Variants in PARP11 observed in about 807,000 individuals in gnomAD.
PARP11 encodes the protein protein mono-ADP-ribosyltransferase PARP11.
A neutral mutation model predicts 42.9 loss-of-function variants in PARP11; 31 were observed. The observed-to-expected ratio is 0.72, with a 90% CI of 0.54 to 0.98. The LOEUF (loss-of-function observed/expected upper bound fraction) is 0.98. PARP11 is among the 50% of genes least tolerant of loss of function. The pLI, the probability that PARP11 is intolerant of heterozygous loss-of-function variation, is 0.00. For missense variants in PARP11, 365 were observed against 413.1 expected (o/e 0.88, Z 1.01); for synonymous variants, 137 against 127.3 (o/e 1.08, Z -0.51).
At chr12:3,838,913 T>G (rs1423334638) in intron 1 of PARP11, among the ~76,000 whole-genome samples, 2 of 152,084 alleles carry the variant, frequency 1.3e-5, no homozygotes. Context: ...GGGCGGGGCT[T>G]TTCTCGCTTC....
intron 2 of PARP11, 72 bp downstream of exon 2, chr12:3,829,818 T>A (rs2138045116): frequency 6.8e-7 from 1 of 1,467,022 alleles, no homozygotes; most frequent in South Asian, 1.2e-5. Context: ...TTTATACTCA[T>A]TTTACATACA....
At chr12:3,868,863 G>T (rs898887118) in intron 1 of PARP11, among the ~76,000 whole-genome samples, 1 of 152,250 alleles carries the variant, frequency 6.6e-6, no homozygotes, top group South Asian at 2.1e-4. Flanking sequence ...TACCACAAAC[G>T]CAGTGGCTTA....
intron 1 of PARP11, among the ~76,000 whole-genome samples, chr12:3,847,192 T>C (rs1489554676): frequency 2.6e-5 from 4 of 152,134 alleles, no homozygotes; most frequent in African/African-American, 9.7e-5. Flanking sequence ...ATGTCTCCCA[T>C]CAAAGAAAAG....
intron 1 of PARP11, among the ~76,000 whole-genome samples, chr12:3,836,020 T>C (rs1458283477): frequency 6.6e-6 from 1 of 151,840 alleles, no homozygotes; most frequent in African/African-American, 2.4e-5. Flanking sequence ...ATTTTATATA[T>C]ATATACACAC....
In PARP11 at chr12:3,828,993, T is replaced by C. The variant is rs1947584657; in HGVS notation, c.185A>G (p.Asp62Gly). The C allele has an allele frequency of 6.2e-7, 1 of 1,614,030 alleles. No homozygotes were observed. Residue 62 changes from aspartate to glycine, a missense_variant, in exon 3 of 8, where the codon GAT (aspartate) becomes GGT (glycine). Physicochemically the swap from Asp to Gly is moderately conservative, Grantham distance 94 (BLOSUM62 -1). Transcript: ENST00000228820. ...TNSQCSVSSEDIEKSFKTNPC... is the reference protein window; with the variant it reads ...TNSQCSVSSEGIEKSFKTNPC... ...GTTTGTTTTGAAGCTTTTTTCGATA[T>C]CTTCACTGCTAACTGAACACTGACT...
At chr12:3,825,752 C>T (rs759987332) in intron 4 of PARP11, among the ~76,000 whole-genome samples, 2 of 152,066 alleles carry the variant, frequency 1.3e-5, no homozygotes, top group Non-Finnish European at 2.9e-5. Context: ...GAGATGGAGT[C>T]TCACTCTGTC....
In PARP11 at chr12:3,810,279, T is replaced by C. The variant is rs1947143125; in HGVS notation, c.*1844A>G. On this transcript the variant is annotated 3_prime_UTR_variant, in exon 8 of 8. Transcript: ENST00000228820. Reference sequence around the variant, plus strand: ...TGAAAAAGGCTTGGTATACGTGCTGTCTTTTAAAGGCAGAATCATAGAAAA... The same window carrying C: ...TGAAAAAGGCTTGGTATACGTGCTGCCTTTTAAAGGCAGAATCATAGAAAA... 6.6e-6 allele frequency: 1 copy of C among 152,192 alleles called. No homozygotes were observed. The highest frequency in any genetic ancestry group is 1.5e-5 in the Non-Finnish European group (1 of 68,052). 9.4% of individuals were successfully genotyped at this position (152,192 alleles called of 1,614,324 possible).
rs541980764 is a variant in PARP11, at chr12:3,860,178, G to T, written c.18+13034C>A. On this transcript the variant is annotated intron_variant, in intron 1 of 7. Coordinates refer to ENST00000228820, the MANE Select transcript of PARP11 (RefSeq NM_020367.6). The stretch of plus-strand genomic sequence containing the variant: ...GTCAAATGATCATTTGATAAGATTA[G>T]TATGGATGTGGACCGCCCCAGCAGG... Among the ~76,000 whole-genome samples, 111 of 152,264 alleles carry T rather than the reference G, an allele frequency of 7.3e-4. 1 individual carries two copies. In the South Asian group the frequency reaches 0.023, roughly 31 times the overall value.
intron 1 of PARP11, among the ~76,000 whole-genome samples, chr12:3,866,177 C>T (rs1948385769): frequency 6.6e-6 from 1 of 152,134 alleles, no homozygotes; most frequent in African/African-American, 2.4e-5. Flanking sequence ...ATCCTATGCT[C>T]TTTTCAGTCC....
Position 3,829,963 on chromosome 12 carries a change from T to C in PARP11, c.74A>G (p.Asp25Gly), listed in dbSNP as rs751363235. 28 of 1,613,418 alleles carry C rather than the reference T, an allele frequency of 1.7e-5. No individual in the cohort carries two copies. The highest frequency in any genetic ancestry group is 2.3e-5 in the Non-Finnish European group (27 of 1,179,446). Residue 25 changes from aspartate to glycine, a missense_variant, in exon 2 of 8, where the codon GAT (aspartate) becomes GGT (glycine). Coordinates refer to ENST00000228820, the MANE Select transcript of PARP11 (RefSeq NM_020367.6). ...LFSKTTNNEV[D>G]DMDTSDTQWG... ...CTGGGTATCTGACGTGTCCATGTCA[T>C]CCACTTCATTGTTTGTTGTTTTAGA...
At chr12:3,845,722 A>T (rs148160228) in intron 1 of PARP11, among the ~76,000 whole-genome samples, 4 of 152,214 alleles carry the variant, frequency 2.6e-5, no homozygotes, top group African/African-American at 9.6e-5. Flanking sequence ...AATCCTAATA[A>T]TGTCTCATTT....
chr12:3,821,922 T>G lies in PARP11; in HGVS notation c.499A>C (p.Lys167Gln), dbSNP rs1345471568. The change falls in exon 6 of 8, where the codon AAA (lysine) becomes CAA (glutamine). Residue 167 changes from lysine to glutamine, a missense_variant. Lys to Gln is a moderately conservative substitution (Grantham distance 53). Coordinates refer to ENST00000228820, the MANE Select transcript of PARP11 (RefSeq NM_020367.6). ...AGGTTTTGAATTCTCTGAATTCTTT[T>G]AATTCGGTTGCGATCCATCGTCTTC... ...FGKTMDRNRI[K>Q]RIQRIQNLDL... 6.2e-7 allele frequency: 1 copy of G among 1,610,764 alleles called. No individual in the cohort carries two copies. Among genetic ancestry groups the G allele is most frequent in the Non-Finnish European group, 8.5e-7 (1 of 1,179,206 alleles).
rs1313588893 is a variant in PARP11, at chr12:3,861,840, C to T, written c.18+11372G>A. ...GAGATTGAGACCATCCTGGCTAACACGGTGAAACCCCGTCTCTACCAAAAA... is the reference window on the plus strand; with the variant it reads ...GAGATTGAGACCATCCTGGCTAACATGGTGAAACCCCGTCTCTACCAAAAA... On this transcript the variant is annotated intron_variant, in intron 1 of 7. Transcript: ENST00000228820. This position sits in a 1 kb window ranked among gnomAD's most constrained non-coding sequence, Gnocchi z 4.6. 6.6e-6 allele frequency among the ~76,000 whole-genome samples: 1 copy of T among 151,426 alleles called. No individual in the cohort carries two copies. The highest frequency in any genetic ancestry group is 1.5e-5 in the Non-Finnish European group (1 of 67,866).
intron 1 of PARP11, among the ~76,000 whole-genome samples, chr12:3,871,413 A>C (rs1948476153): frequency 6.6e-6 from 1 of 152,178 alleles, no homozygotes; most frequent in South Asian, 2.1e-4. Context: ...AATACTTTCC[A>C]TTGTGTTACG....
intron 6 of PARP11, chr12:3,814,973 T>C: frequency 2.2e-6 from 1 of 453,356 alleles, no homozygotes; most frequent in Non-Finnish European, 4.4e-6. Flanking sequence ...AAATACAAAA[T>C]ACAAACAATA....
chr12:3,829,121 T>C (rs1947587184), intron 2 of PARP11, 91 bp from the exon 3 acceptor site: 2 of 1,411,912 alleles, frequency 1.4e-6, no homozygotes, highest in South Asian at 2.5e-5. Flanking sequence ...AGACAGGGAA[T>C]GGAGGGGCGA....
Position 3,873,260 on chromosome 12 carries a change from G to A in PARP11, c.-31C>T, listed in dbSNP as rs1464097522. On this transcript the variant is annotated 5_prime_UTR_variant, in exon 1 of 8. Coordinates refer to ENST00000228820, the MANE Select transcript of PARP11 (RefSeq NM_020367.6). ...TGACAAAATCGAGCGGAGAGAGCCT[G>A]TGGGAAGGGGCTAGCCGCGGGGCCT... 12 of 1,549,908 alleles carry A rather than the reference G, an allele frequency of 7.7e-6. No individual in the cohort carries two copies. The highest frequency in any genetic ancestry group is 9.6e-6 in the Non-Finnish European group (11 of 1,146,170).
chr12:3,852,045 G>C (rs1315028920), intron 1 of PARP11, among the ~76,000 whole-genome samples: 1 of 152,212 alleles, frequency 6.6e-6, no homozygotes, highest in Non-Finnish European at 1.5e-5. Context: ...AGAGGAACCT[G>C]ACTGTTAGAA....
At chr12:3,857,908 T>C (rs896940896) in intron 1 of PARP11, among the ~76,000 whole-genome samples, 2 of 152,292 alleles carry the variant, frequency 1.3e-5, no homozygotes, top group Middle Eastern at 3.4e-3. Flanking sequence ...AATATAAAAA[T>C]ATATTCTTGA....
Sources: allele counts gnomAD v4.1 joint callset (sites outside exome capture counted in the v4.1 genomes callset), GRCh38; gene constraint gnomAD v4.1.1; non-coding constraint Gnocchi (gnomAD v3.1); transcripts MANE v1.5; gene names NCBI Gene and HGNC (gene_info 2026-07-23, HGNC 2026-07-21).